LRRC37A2: variants seen among roughly 807,000 people sequenced by gnomAD.
LRRC37A2 encodes leucine rich repeat containing 37 member A2.
Under a neutral mutation model 68.8 loss-of-function variants are expected in LRRC37A2, and 9 were observed. That is an observed-to-expected ratio of 0.13 (90% CI 0.08 to 0.23). LRRC37A2 has a LOEUF of 0.23. LRRC37A2 is among the 10% of genes least tolerant of loss of function. LRRC37A2 has a pLI of 1.00. For synonymous variants in LRRC37A2, 63 were observed against 367.6 expected (o/e 0.17, Z 9.48); for missense variants, 168 against 950.4 (o/e 0.18, Z 10.82).
At chr17:46,551,053 T>G (rs1191264960) in intron 11 of LRRC37A2, among the ~76,000 whole-genome samples, 6 of 150,108 alleles carry the variant, frequency 4.0e-5, no homozygotes, top group South Asian at 2.1e-4. Context: ...TACAAAAATT[T>G]TTGGCCACAT....
exon 10 of LRRC37A2, chr17:46,548,961 C>G (rs759430431): frequency 6.2e-7 from 1 of 1,612,432 alleles, no homozygotes; most frequent in South Asian, 1.1e-5. Flanking sequence ...GATGGAAAGA[C>G]TTAACCCACG....
At chr17:46,873,318 G>A in the LRRC37A2 span, among the ~76,000 whole-genome samples, 18 of 148,612 alleles carry the variant, frequency 1.2e-4, no homozygotes, top group South Asian at 6.9e-4. Flanking sequence ...CACCCACTAA[G>A]CATCCATGGA....
At chr17:46,773,088 T>C in the LRRC37A2 span, among the ~76,000 whole-genome samples, 1 of 152,148 alleles carries the variant, frequency 6.6e-6, no homozygotes, top group Non-Finnish European at 1.5e-5. Flanking sequence ...CCCTGTCCAC[T>C]TGAGGCACAG....
At chr17:46,962,682 G>C in the LRRC37A2 span, among the ~76,000 whole-genome samples, 1 of 152,200 alleles carries the variant, frequency 6.6e-6, no homozygotes, top group Non-Finnish European at 1.5e-5. Flanking sequence ...CCTTCCAGCT[G>C]TCCCTGCCAA....
the LRRC37A2 span, chr17:46,833,544 G>A: frequency 7.3e-6 from 3 of 409,422 alleles, no homozygotes; most frequent in Non-Finnish European, 9.8e-6. Context: ...GCTGGAGGCC[G>A]ACCTGAGCTC....
chr17:46,975,745 C>A, the LRRC37A2 span, among the ~76,000 whole-genome samples: 1 of 152,194 alleles, frequency 6.6e-6, no homozygotes, highest in African/African-American at 2.4e-5. Context: ...GACCCAAACA[C>A]ACGTTAGTAC....
chr17:46,688,100 A>G, the LRRC37A2 span, among the ~76,000 whole-genome samples: 2 of 121,392 alleles, frequency 1.6e-5, no homozygotes, highest in Non-Finnish European at 3.3e-5. Flanking sequence ...TATTTCCTTC[A>G]TACTTCTATA....
the LRRC37A2 span, among the ~76,000 whole-genome samples, chr17:46,958,743 C>T: frequency 3.3e-5 from 5 of 152,174 alleles, no homozygotes; most frequent in Admixed American, 1.3e-4. Flanking sequence ...CAACTTCCGG[C>T]GAAGTCAAAG....
the LRRC37A2 span, among the ~76,000 whole-genome samples, chr17:46,907,726 C>A: frequency 6.7e-6 from 1 of 148,188 alleles, no homozygotes; most frequent in Non-Finnish European, 1.5e-5. Flanking sequence ...GTGGTGTGTG[C>A]CTGTGGTCCC....
the LRRC37A2 span, among the ~76,000 whole-genome samples, chr17:46,798,934 G>C: frequency 1.3e-5 from 2 of 151,590 alleles, no homozygotes; most frequent in East Asian, 3.9e-4. Flanking sequence ...TGTAGTCCCA[G>C]CTACTTAGGA....
At chr17:46,966,436 C>A in the LRRC37A2 span, 6 of 600,700 alleles carry the variant, frequency 1.0e-5, no homozygotes, top group African/African-American at 1.1e-4. Context: ...CAGCCTTGAC[C>A]TGCTGGGCTT....
chr17:46,957,037 G>A, the LRRC37A2 span, among the ~76,000 whole-genome samples: 3 of 152,184 alleles, frequency 2.0e-5, no homozygotes, highest in African/African-American at 7.2e-5. Context: ...AGCTGGGTAC[G>A]GTGGCTCACA....
chr17:46,867,608 C>T, the LRRC37A2 span, among the ~76,000 whole-genome samples: 3 of 152,182 alleles, frequency 2.0e-5, no homozygotes, highest in African/African-American at 7.2e-5. Flanking sequence ...AGAGCAGTCT[C>T]CTGGGAGGCT....
the LRRC37A2 span, among the ~76,000 whole-genome samples, chr17:46,392,218 T>C: frequency 1.4e-5 from 1 of 69,238 alleles, no homozygotes; most frequent in African/African-American, 4.6e-5. Context: ...TTTTTCTTTT[T>C]TTTTTTTTTT....
At chr17:47,014,928 C>G in the LRRC37A2 span, among the ~76,000 whole-genome samples, 2 of 151,036 alleles carry the variant, frequency 1.3e-5, no homozygotes, top group East Asian at 3.9e-4. Flanking sequence ...AAGTTTGGGT[C>G]AACAGTAGAC....
the LRRC37A2 span, among the ~76,000 whole-genome samples, chr17:46,934,549 C>G: frequency 1.3e-5 from 2 of 152,078 alleles, no homozygotes; most frequent in Non-Finnish European, 2.9e-5. Flanking sequence ...AGAAGCACAG[C>G]CTCCTCTATC....
chr17:46,718,200 C>T, the LRRC37A2 span, among the ~76,000 whole-genome samples: 1 of 152,224 alleles, frequency 6.6e-6, no homozygotes, highest in Non-Finnish European at 1.5e-5. Context: ...CCCTGACCCA[C>T]CCCAGTGAGT....
the LRRC37A2 span, among the ~76,000 whole-genome samples, chr17:46,734,908 G>T: frequency 6.6e-6 from 1 of 152,032 alleles, no homozygotes; most frequent in East Asian, 1.9e-4. Context: ...AAAGTTAGTC[G>T]AATGTGGTGG....
the LRRC37A2 span, among the ~76,000 whole-genome samples, chr17:46,946,723 C>G: frequency 1.3e-5 from 2 of 151,132 alleles, no homozygotes; most frequent in African/African-American, 2.4e-5. Context: ...ACTAGCCAGG[C>G]AAGTTGGTGT....
Sources: allele counts gnomAD v4.1 joint callset (sites outside exome capture counted in the v4.1 genomes callset), GRCh38; gene constraint gnomAD v4.1.1; transcripts MANE v1.5; gene names NCBI Gene and HGNC (gene_info 2026-07-23, HGNC 2026-07-21).